Variants in SUOX observed in about 807,000 individuals in gnomAD.
The protein encoded by SUOX is sulfite oxidase, also known as sulfite oxidase, mitochondrial.
SUOX carries 39 observed loss-of-function variants against 41.9 expected under a neutral mutation model. That is an observed-to-expected ratio of 0.93 (90% confidence interval 0.72 to 1.21). The LOEUF (loss-of-function observed/expected upper bound fraction) is 1.21, where lower values mean the gene tolerates loss of function less well. Ranked by LOEUF, SUOX falls within the 50% of genes most tolerant of loss-of-function variation. The pLI, the probability that SUOX is intolerant of heterozygous loss-of-function variation, is 0.00. For missense variants in SUOX, 633 were observed against 689.5 expected (o/e 0.92, Z 0.92); for synonymous variants, 220 against 268.4 (o/e 0.82, Z 1.76).
At chr12:56,003,164 T>A in intron 4 of SUOX, 1 of 254,902 alleles carries the variant, frequency 3.9e-6, no homozygotes, top group East Asian at 1.0e-4. Context: ...ACAGTGGAGA[T>A]GAAATCTGCT....
chr12:55,998,979 ATTTG>A (rs1190703588), intron 2 of SUOX, among the ~76,000 whole-genome samples: 1 of 150,548 alleles, frequency 6.6e-6, no homozygotes, highest in Admixed American at 6.6e-5. Flanking sequence ...TGCCCAGTTA[ATTTG>A]TTTTTTTTTT....
chr12:56,005,206 C>G lies in SUOX; in HGVS notation c.*179C>G, dbSNP rs1474953647. 1.4e-6 allele frequency: 1 copy of G among 695,036 alleles called. No individual in the cohort carries two copies. Among genetic ancestry groups the G allele is most frequent in the Non-Finnish European group, 2.5e-6 (1 of 405,538 alleles). 43.1% of individuals were successfully genotyped at this position (695,036 alleles called of 1,614,324 possible). ...CCTCTTTGGACACTATGTTACATACCCCTCTTGGCCTTTGAACCTGTGCCA... is the reference window on the plus strand; with the variant it reads ...CCTCTTTGGACACTATGTTACATACGCCTCTTGGCCTTTGAACCTGTGCCA... On this transcript the variant is annotated 3_prime_UTR_variant, in exon 5 of 5. Transcript: ENST00000266971.
chr12:56,001,589 T>G, intron 2 of SUOX: 1 of 163,732 alleles, frequency 6.1e-6, no homozygotes, highest in South Asian at 1.6e-4. Flanking sequence ...CTACTGTACT[T>G]GTTGGCTCTT....
At position 56,004,956 on chromosome 12, in the gene SUOX, G is replaced by A; in HGVS notation, c.1567G>A (p.Ala523Thr). ...DGYNVQPDTV[A>T]PIWNLRGVLS... ...TTACAATGTGCAGCCAGACACCGTG[G>A]CCCCAATCTGGAACCTGCGAGGTGT... is the stretch of plus-strand genomic sequence containing the variant. The change falls in exon 5 of 5, where the codon GCC (alanine) becomes ACC (threonine). Residue 523 changes from alanine (A) to threonine (T), a missense_variant. Coordinates refer to ENST00000266971, the MANE Select transcript of SUOX (RefSeq NM_001032386.2). This position sits in a 1 kb window ranked among gnomAD's most constrained non-coding sequence, Gnocchi z 4.5. 1.2e-6 allele frequency: 2 copies of A among 1,614,156 alleles called. No individual in the cohort carries two copies. The highest frequency in any genetic ancestry group is 2.7e-5 in the African/African-American group (2 of 75,036).
At chr12:56,001,126 T>TTC (rs1890509934) in intron 2 of SUOX, among the ~76,000 whole-genome samples, 2 of 122,994 alleles carry the variant, frequency 1.6e-5, no homozygotes, top group African/African-American at 5.8e-5. Flanking sequence ...CTCTTTTTTT[T>TTC]TTTTTTTTTT....
chr12:56,002,465 G>A (rs1890567365), intron 3 of SUOX, 78 bp from the exon 4 acceptor site: 3 of 1,594,632 alleles, frequency 1.9e-6, no homozygotes, highest in Non-Finnish European at 2.6e-6. Flanking sequence ...GCCAACCAGG[G>A]AGAAAGAAGT....
chr12:56,003,036 A>C (rs1031636221), intron 4 of SUOX: 5 of 312,450 alleles, frequency 1.6e-5, no homozygotes, highest in Non-Finnish European at 3.1e-5. Flanking sequence ...CCATCTCAAA[A>C]AAAAAAAAAA....
At chr12:55,997,786 C>T (rs1383569786) in intron 2 of SUOX, 63 bp downstream of exon 2, 3 of 152,280 alleles carry the variant, frequency 2.0e-5, no homozygotes, top group Non-Finnish European at 4.4e-5. Flanking sequence ...GCTCCTATTC[C>T]CATCTCTAGG....
At chr12:56,002,440 C>A in intron 3 of SUOX, 103 bp from the exon 4 acceptor site, 3 of 1,555,308 alleles carry the variant, frequency 1.9e-6, no homozygotes, top group Non-Finnish European at 2.7e-6. Flanking sequence ...TAAGTTCCAA[C>A]TTAAGGAACC....
At position 56,002,713 on chromosome 12, in the gene SUOX, G is replaced by C; in HGVS notation, c.221G>C (p.Arg74Pro). ...LGAVLAYQDH[R>P]CRAAQESTHI... ...GCAGTGTTGGCCTATCAGGACCATC[G>C]GTGTAGGGTAAGTAGGGAAAGTGCT... is the stretch of plus-strand genomic sequence containing the variant. Residue 74 changes from arginine to proline, a missense_variant, in exon 4 of 5, where the codon CGG (arginine) becomes CCG (proline). Physicochemically the swap from Arg to Pro is moderately radical, Grantham distance 103. Coordinates refer to ENST00000266971, the MANE Select transcript of SUOX (RefSeq NM_001032386.2). 1.2e-6 allele frequency: 2 copies of C among 1,614,048 alleles called. No homozygotes were observed. The highest frequency in any genetic ancestry group is 1.7e-6 in the Non-Finnish European group (2 of 1,180,010).
At position 56,002,689 on chromosome 12, in the gene SUOX, C is replaced by A. The variant is rs1275785963; in HGVS notation, c.197C>A (p.Ala66Glu). The A allele has an allele frequency of 1.9e-6, 3 of 1,613,960 alleles. No homozygotes were observed. The highest frequency in any genetic ancestry group is 2.5e-6 in the Non-Finnish European group (3 of 1,180,010). Residue 66 changes from alanine (A) to glutamate (E), a missense_variant, in exon 4 of 5, where the codon GCA (alanine) becomes GAA (glutamate). Physicochemically the swap from Ala to Glu is moderately radical, Grantham distance 107 (BLOSUM62 -1). Coordinates refer to ENST00000266971, the MANE Select transcript of SUOX (RefSeq NM_001032386.2). Reference protein sequence around the residue: ...RVMGTLLGLGAVLAYQDHRCR... With the variant: ...RVMGTLLGLGEVLAYQDHRCR... ...ATGGGGACCCTATTAGGTCTCGGTG[C>A]AGTGTTGGCCTATCAGGACCATCGG...
rs779581040 is a variant in SUOX, at chr12:56,003,945, C to T, written c.556C>T (p.Leu186=). Residue 186 remains leucine, a synonymous_variant, in exon 5 of 5, where the codon CTG becomes TTG. Coordinates refer to ENST00000266971, the MANE Select transcript of SUOX (RefSeq NM_001032386.2). ...YADDPVRHPA[L]KVNSQRPFNA... The stretch of plus-strand genomic sequence containing the variant: ...TGATGATCCTGTACGTCACCCAGCC[C>T]TGAAGGTCAACAGCCAGCGGCCCTT... The T allele has an allele frequency of 1.9e-6, 3 of 1,614,156 alleles. No homozygotes were observed. Among genetic ancestry groups the T allele is most frequent in the Non-Finnish European group, 2.5e-6 (3 of 1,180,040 alleles).
At chr12:56,002,061 C>G in intron 2 of SUOX, 151 bp from the exon 3 acceptor site, 1 of 1,471,968 alleles carries the variant, frequency 6.8e-7, no homozygotes, top group Non-Finnish European at 9.2e-7. Flanking sequence ...CTCTAAGGGC[C>G]CATTTGGACT....
rs750388889 is a variant in SUOX at position 56,004,663 on chromosome 12, T to C, written c.1274T>C (p.Val425Ala). Residue 425 changes from valine to alanine, a missense_variant, in exon 5 of 5, where the codon GTC becomes GCC. Val to Ala is a moderately conservative substitution (Grantham distance 64). Coordinates refer to ENST00000266971, the MANE Select transcript of SUOX (RefSeq NM_001032386.2). This position sits in a 1 kb window ranked among gnomAD's most constrained non-coding sequence, Gnocchi z 4.5. ...DSAPSIQELP[V>A]QSAITEPRDG... ...GCTCCATCCATTCAGGAACTTCCTGTCCAGTCGGCCATCACAGAGCCCCGG... is the reference window on the plus strand; with the variant it reads ...GCTCCATCCATTCAGGAACTTCCTGCCCAGTCGGCCATCACAGAGCCCCGG... 6.2e-7 allele frequency: 1 copy of C among 1,613,866 alleles called. No individual in the cohort carries two copies. The highest frequency in any genetic ancestry group is 8.5e-7 in the Non-Finnish European group (1 of 1,179,782).
intron 4 of SUOX, 53 bp downstream of exon 4, chr12:56,002,773 G>A (rs778048983): frequency 1.7e-5 from 28 of 1,607,256 alleles, no homozygotes; most frequent in Admixed American, 8.3e-5. Flanking sequence ...AGTGGCTCAC[G>A]CCTGTTATCC....
intron 2 of SUOX, among the ~76,000 whole-genome samples, chr12:56,000,575 C>CT (rs2136506901): frequency 6.6e-6 from 1 of 152,282 alleles, no homozygotes; most frequent in East Asian, 1.9e-4. Context: ...CCTTGGCCAG[C>CT]CCAGAAAGGG....
rs1490737708 is a variant in SUOX, at chr12:56,005,115, TC to T, written c.*89del. ...CTTTCCCACCTTTCAACTTCTTGGA[TC>T]ACAACTCTGGCCTTCCTAAGCCATA... is the stretch of plus-strand genomic sequence containing the variant. On this transcript the variant is annotated 3_prime_UTR_variant, in exon 5 of 5. Coordinates refer to ENST00000266971, the MANE Select transcript of SUOX (RefSeq NM_001032386.2). 1 of 1,496,026 alleles carries T rather than the reference TC, an allele frequency of 6.7e-7. No homozygotes were observed. 92.7% of individuals were successfully genotyped at this position (1,496,026 alleles called of 1,614,324 possible).
At chr12:56,002,750 A>G (rs759961206) in intron 4 of SUOX, 30 bp downstream of exon 4, 1 of 1,613,092 alleles carries the variant, frequency 6.2e-7, no homozygotes, top group Non-Finnish European at 8.5e-7. Context: ...CATTGTCAGA[A>G]CAGACTGGGT....
chr12:55,999,973 T>C (rs1475489594), intron 2 of SUOX, among the ~76,000 whole-genome samples: 1 of 152,070 alleles, frequency 6.6e-6, no homozygotes, highest in Non-Finnish European at 1.5e-5. Context: ...ATTGGTGCAT[T>C]CACAAACCCT....
Sources: allele counts gnomAD v4.1 joint callset (sites outside exome capture counted in the v4.1 genomes callset), GRCh38; gene constraint gnomAD v4.1.1; non-coding constraint Gnocchi (gnomAD v3.1); transcripts MANE v1.5; gene names NCBI Gene and HGNC (gene_info 2026-07-23, HGNC 2026-07-21).